The following SLC8A2 variants were observed in gnomAD, a reference collection of about 807,000 sequenced individuals.
The protein encoded by SLC8A2 is solute carrier family 8 member A2.
A neutral mutation model predicts 70.2 loss-of-function variants in SLC8A2; 14 were observed. The ratio of observed to expected loss-of-function variants is 0.20; its 90% CI spans 0.13 to 0.31. The LOEUF (loss-of-function observed/expected upper bound fraction) is 0.31. SLC8A2 is among the 10% of genes least tolerant of loss of function. The probability of loss-of-function intolerance (pLI) is 1.00; values close to 1 mark genes in which losing one functional copy is unlikely to be tolerated. For missense variants in SLC8A2, 779 were observed against 1,320.1 expected, an observed-to-expected ratio of 0.59 and a Z score of 6.35; for synonymous variants, 575 against 594.3, an observed-to-expected ratio of 0.97 and a Z score of 0.47.
chr19:47,442,880 ACCAC>A (rs1481873592), intron 4 of SLC8A2, among the ~76,000 whole-genome samples: 1 of 152,028 alleles, frequency 6.6e-6, no homozygotes, highest in East Asian at 1.9e-4. Context: ...ATGGGGTCTC[ACCAC>A]ATTGCCCAGG....
chr19:47,439,805 A>C (rs1284499912), intron 6 of SLC8A2, among the ~76,000 whole-genome samples: 1 of 152,088 alleles, frequency 6.6e-6, no homozygotes, highest in East Asian at 1.9e-4. Context: ...GTGGGATCAC[A>C]GGTGCCCACC....
rs1030065449 is a variant in SLC8A2 at position 47,432,528 on chromosome 19, C to T, written c.2111-83G>A. The stretch of plus-strand genomic sequence containing the variant: ...GGCCCCATTTTGTCTAACTTCCTGA[C>T]AGCAAGTCCCATTGAATGAACTTCT... On this transcript the variant is annotated intron_variant, in intron 8 of 9. Coordinates refer to ENST00000236877, the MANE Select transcript of SLC8A2 (RefSeq NM_015063.3). The surrounding 1 kb of genome is among the most constrained non-coding windows in gnomAD (Gnocchi z 6.2). The T allele has an allele frequency of 1.1e-5, 15 of 1,353,686 alleles. No individual in the cohort carries two copies. Among genetic ancestry groups the T allele is most frequent in the Non-Finnish European group, 1.4e-5 (14 of 1,000,548 alleles). 83.9% of individuals were successfully genotyped at this position (1,353,686 alleles called of 1,614,324 possible).
chr19:47,464,486 T>G (rs1967433741), intron 2 of SLC8A2, among the ~76,000 whole-genome samples: 1 of 152,206 alleles, frequency 6.6e-6, no homozygotes, highest in African/African-American at 2.4e-5. Flanking sequence ...GATATATCAC[T>G]GCACACTTTT....
chr19:47,459,701 CTG>C (rs966919856), intron 2 of SLC8A2, among the ~76,000 whole-genome samples: 7 of 105,026 alleles, frequency 6.7e-5, no homozygotes, highest in Non-Finnish European at 8.8e-5. Context: ...GTGTGTCCTT[CTG>C]TGTGTGCGCG....
Position 47,468,530 on chromosome 19 carries a change from C to T in SLC8A2, c.-16-2111G>A, listed in dbSNP as rs916877102. The stretch of plus-strand genomic sequence containing the variant: ...TTTGAACTCCTGGGTTCAGGTGCTC[C>T]ACCTGCCTTGGCCTCCCAAAGTGCT... On this transcript the variant is annotated intron_variant, in intron 1 of 9. Coordinates refer to ENST00000236877, the MANE Select transcript of SLC8A2 (RefSeq NM_015063.3). This position sits in a 1 kb window ranked among gnomAD's most constrained non-coding sequence, Gnocchi z 5.1. Among the ~76,000 whole-genome samples the T allele has an allele frequency of 3.9e-5, 6 of 152,150 alleles. No homozygotes were observed. The highest frequency in any genetic ancestry group is 1.4e-4 in the African/African-American group (6 of 41,438).
Position 47,432,647 on chromosome 19 carries a change from C to A in SLC8A2, c.2111-202G>T. 2.0e-6 allele frequency: 1 copy of A among 491,944 alleles called. No individual in the cohort carries two copies. The highest frequency in any genetic ancestry group is 4.1e-5 in the South Asian group (1 of 24,144). 30.5% of individuals were successfully genotyped at this position (491,944 alleles called of 1,614,324 possible). A position where few individuals can be genotyped will look rare whatever the true frequency, so the allele number is the denominator to read the frequency against. The stretch of plus-strand genomic sequence containing the variant: ...CTTGAAGCTAGGAGCTTGATTGGGC[C>A]CAGGTGAAAAATATTTACTTTCCCA... On this transcript the variant is annotated intron_variant, in intron 8 of 9. Transcript: ENST00000236877. The surrounding 1 kb of genome is among the most constrained non-coding windows in gnomAD (Gnocchi z 6.2).
At chr19:47,455,078 ACT>A (rs2122640027) in intron 3 of SLC8A2, among the ~76,000 whole-genome samples, 1 of 152,182 alleles carries the variant, frequency 6.6e-6, no homozygotes, top group Admixed American at 6.6e-5. Context: ...CAAGTGCGAA[ACT>A]CTGAGAAAAA....
rs1275724271 is a variant in SLC8A2 at position 47,466,860 on chromosome 19, C to A, written c.-16-441G>T. ...GGTGGGTGGATCAGGAGTTTGAGAC[C>A]AGCCTGGCCAACATGGTGAAACCCC... On this transcript the variant is annotated intron_variant, in intron 1 of 9. Transcript: ENST00000236877. This position sits in a 1 kb window ranked among gnomAD's most constrained non-coding sequence, Gnocchi z 6.9. Among the ~76,000 whole-genome samples the A allele has an allele frequency of 1.3e-5, 2 of 152,048 alleles. No individual in the cohort carries two copies. Among genetic ancestry groups the A allele is most frequent in the African/African-American group, 4.8e-5 (2 of 41,380 alleles).
intron 6 of SLC8A2, among the ~76,000 whole-genome samples, chr19:47,439,825 G>A (rs539343278): frequency 3.3e-5 from 5 of 152,096 alleles, no homozygotes; most frequent in South Asian, 2.1e-4. Context: ...CACCATGCCC[G>A]GCTAATTTTT....
chr19:47,441,729 G>A (rs1479211187), intron 4 of SLC8A2, among the ~76,000 whole-genome samples: 3 of 152,250 alleles, frequency 2.0e-5, no homozygotes, highest in Non-Finnish European at 2.9e-5. Flanking sequence ...GCTGAGGAGG[G>A]AGGGTTGCTT....
chr19:47,433,219 A>G (rs958005861), intron 8 of SLC8A2, among the ~76,000 whole-genome samples: 2 of 152,096 alleles, frequency 1.3e-5, no homozygotes, highest in African/African-American at 4.8e-5. Context: ...CACAGCTAGA[A>G]GTATTCACTT....
chr19:47,458,081 T>G (rs1035739338), intron 2 of SLC8A2, among the ~76,000 whole-genome samples: 7 of 152,124 alleles, frequency 4.6e-5, no homozygotes, highest in African/African-American at 1.7e-4. Flanking sequence ...CTTGAAATCC[T>G]GACCTTGTGA....
intron 4 of SLC8A2, 44 bp from the exon 5 acceptor site, chr19:47,441,484 C>A: frequency 2.4e-6 from 3 of 1,228,554 alleles, no homozygotes. Flanking sequence ...AGTGTAAGGC[C>A]CCCTCCCCAG....
chr19:47,445,397 C>T (rs1967148583), intron 4 of SLC8A2, among the ~76,000 whole-genome samples: 1 of 152,194 alleles, frequency 6.6e-6, no homozygotes, highest in African/African-American at 2.4e-5. Context: ...GCATGAGCCA[C>T]CGTGCCCGAC....
chr19:47,467,883 T>C (rs1967484364), intron 1 of SLC8A2, among the ~76,000 whole-genome samples: 1 of 143,012 alleles, frequency 7.0e-6, no homozygotes, highest in African/African-American at 2.6e-5. Flanking sequence ...GGCGTGTGCC[T>C]ATAATCTCAG....
At chr19:47,459,074 C>T (rs1423880155) in intron 2 of SLC8A2, among the ~76,000 whole-genome samples, 2 of 150,430 alleles carry the variant, frequency 1.3e-5, no homozygotes, top group African/African-American at 4.9e-5. Context: ...CTATTTCCCT[C>T]TCATCTCTGT....
chr19:47,443,335 G>A (rs1213507294), intron 4 of SLC8A2, among the ~76,000 whole-genome samples: 1 of 152,098 alleles, frequency 6.6e-6, no homozygotes, highest in East Asian at 1.9e-4. Context: ...TCACCTTCAG[G>A]CACATAATCC....
chr19:47,436,792 G>A (rs144467679), intron 8 of SLC8A2, among the ~76,000 whole-genome samples: 75 of 152,238 alleles, frequency 4.9e-4, no homozygotes, highest in Middle Eastern at 6.8e-3. Flanking sequence ...TACAAGTGTC[G>A]TAGTGTCTCT....
In SLC8A2 at chr19:47,432,504, G is replaced by T; in HGVS notation, c.2111-59C>A. On this transcript the variant is annotated intron_variant, in intron 8 of 9. Coordinates refer to ENST00000236877, the MANE Select transcript of SLC8A2 (RefSeq NM_015063.3). The surrounding 1 kb of genome is among the most constrained non-coding windows in gnomAD (Gnocchi z 6.2). ...CAGACTTCCTTCCTTGCCTACAGAG[G>T]CCCCATTTTGTCTAACTTCCTGACA... 6.7e-7 allele frequency: 1 copy of T among 1,484,638 alleles called. No individual in the cohort carries two copies. The highest frequency in any genetic ancestry group is 9.0e-7 in the Non-Finnish European group (1 of 1,113,526). 92.0% of individuals were successfully genotyped at this position (1,484,638 alleles called of 1,614,324 possible). A position where few individuals can be genotyped will look rare whatever the true frequency, so the allele number is the denominator to read the frequency against.
Sources: allele counts gnomAD v4.1 joint callset (sites outside exome capture counted in the v4.1 genomes callset), GRCh38; gene constraint gnomAD v4.1.1; non-coding constraint Gnocchi (gnomAD v3.1); transcripts MANE v1.5; gene names NCBI Gene and HGNC (gene_info 2026-07-23, HGNC 2026-07-21).